ASIC2: variants seen among roughly 807,000 people sequenced by gnomAD.
The protein encoded by ASIC2 is acid sensing ion channel subunit 2, also known as acid-sensing ion channel 2.
A neutral mutation model predicts 57.3 loss-of-function variants in ASIC2; 25 were observed. The ratio of observed to expected loss-of-function variants is 0.44; its 90% CI spans 0.32 to 0.61. The LOEUF is 0.61. Among genes scored for constraint, ASIC2 ranks in the 20% least tolerant of loss-of-function variants. The pLI, the probability that ASIC2 is intolerant of heterozygous loss-of-function variation, is 0.06. For missense variants in ASIC2, 641 were observed against 738.1 expected (o/e 0.87, Z 1.52); for synonymous variants, 319 against 307.5 (o/e 1.04, Z -0.39).
At chr17:34,096,890 A>T in intron 1 of ASIC2, among the ~76,000 whole-genome samples, 1 of 143,902 alleles carries the variant, frequency 6.9e-6, no homozygotes, top group African/African-American at 2.5e-5. Context: ...AAAAAAGTAG[A>T]TAGGACTATG....
At chr17:33,018,314 G>A (rs981258333) in intron 7 of ASIC2, among the ~76,000 whole-genome samples, 1 of 152,210 alleles carries the variant, frequency 6.6e-6, no homozygotes, top group Admixed American at 6.5e-5. Context: ...TGGAAGAATT[G>A]TAATCAGTGT....
intron 1 of ASIC2, among the ~76,000 whole-genome samples, chr17:33,396,153 T>G (rs1016145700): frequency 5.3e-5 from 8 of 152,196 alleles, no homozygotes; most frequent in Non-Finnish European, 8.8e-5. Flanking sequence ...CATTCCCTCA[T>G]TTTACAAATA....
At chr17:33,850,016 G>T (rs1158411989) in intron 1 of ASIC2, among the ~76,000 whole-genome samples, 1 of 151,608 alleles carries the variant, frequency 6.6e-6, no homozygotes, top group Non-Finnish European at 1.5e-5. Context: ...TATGTTAAAG[G>T]TATGTTGTTT....
intron 1 of ASIC2, among the ~76,000 whole-genome samples, chr17:33,790,386 T>C (rs1911736117): frequency 6.6e-6 from 1 of 152,192 alleles, no homozygotes; most frequent in Non-Finnish European, 1.5e-5. Context: ...AATCTCAGAA[T>C]ATGCCACCCA....
chr17:33,335,303 G>C (rs895938006), intron 1 of ASIC2, among the ~76,000 whole-genome samples: 1 of 152,288 alleles, frequency 6.6e-6, no homozygotes, highest in African/African-American at 2.4e-5. Context: ...GAAAACAAAA[G>C]TATAGTAATA....
At chr17:33,743,580 G>T (rs1910172065) in intron 1 of ASIC2, among the ~76,000 whole-genome samples, 1 of 152,214 alleles carries the variant, frequency 6.6e-6, no homozygotes, top group Non-Finnish European at 1.5e-5. Context: ...CATAATACAG[G>T]TGAGCCTCCT....
At position 34,099,325 on chromosome 17, in the gene ASIC2, AGAAG is replaced by A. The variant is rs1265526154; in HGVS notation, c.555+56649_555+56652del. 2.7e-5 allele frequency among the ~76,000 whole-genome samples: 4 copies of A among 149,228 alleles called. No homozygotes were observed. The South Asian group carries it at 6.5e-4, about 24-fold the overall frequency. ...AAAGAGAAAGAAAGAAAGGAAAGAA[AGAAG>A]GGAGGGAAGAGAGGGAGGGAGGAAA... On this transcript the variant is annotated intron_variant, in intron 1 of 9. Transcript: ENST00000359872.
chr17:33,724,321 G>A (rs553594462), intron 1 of ASIC2, among the ~76,000 whole-genome samples: 3 of 152,264 alleles, frequency 2.0e-5, no homozygotes, highest in East Asian at 3.9e-4. Context: ...GACTAATAGA[G>A]TCAGGATTTT....
At chr17:34,049,854 T>C (rs1420171986) in intron 1 of ASIC2, among the ~76,000 whole-genome samples, 1 of 152,164 alleles carries the variant, frequency 6.6e-6, no homozygotes. Context: ...TACTCTCTCC[T>C]CTGTGTTCAT....
chr17:33,703,804 T>C (rs1397844326), intron 1 of ASIC2, among the ~76,000 whole-genome samples: 2 of 152,086 alleles, frequency 1.3e-5, no homozygotes, highest in African/African-American at 4.8e-5. Context: ...TGCCTCTAGG[T>C]GTACATGATT....
At chr17:33,491,838 G>A (rs1005857153) in intron 1 of ASIC2, among the ~76,000 whole-genome samples, 6 of 152,324 alleles carry the variant, frequency 3.9e-5, no homozygotes, top group Middle Eastern at 3.4e-3. Flanking sequence ...AAGGCAAGAG[G>A]GAGTCAGTAT....
intron 1 of ASIC2, among the ~76,000 whole-genome samples, chr17:33,223,127 C>G (rs1283423838): frequency 2.6e-5 from 4 of 152,130 alleles, no homozygotes; most frequent in Admixed American, 2.6e-4. Context: ...AGAACTGAAC[C>G]AAAACACAGA....
At chr17:33,484,554 C>T (rs1184415414) in intron 1 of ASIC2, among the ~76,000 whole-genome samples, 1 of 152,142 alleles carries the variant, frequency 6.6e-6, no homozygotes, top group Admixed American at 6.5e-5. Flanking sequence ...CAACCAGTTA[C>T]CAATAAAACA....
chr17:34,118,375 A>T (rs1911491560), intron 1 of ASIC2: 1 of 152,060 alleles, frequency 6.6e-6, no homozygotes, highest in South Asian at 2.1e-4. Flanking sequence ...ATTTTCTTTC[A>T]TGTGTATGTG....
intron 1 of ASIC2, among the ~76,000 whole-genome samples, chr17:33,151,119 G>A (rs1904773885): frequency 1.3e-5 from 2 of 151,758 alleles, no homozygotes; most frequent in Admixed American, 1.3e-4. Flanking sequence ...TTGAGGTCAG[G>A]AGTTTGAGAC....
chr17:33,691,234 G>T (rs1215711453), intron 1 of ASIC2, among the ~76,000 whole-genome samples: 1 of 152,146 alleles, frequency 6.6e-6, no homozygotes, highest in Non-Finnish European at 1.5e-5. Context: ...TCAGTGTGCT[G>T]AATACCTAGC....
At chr17:34,083,113 C>A (rs987268580) in intron 1 of ASIC2, among the ~76,000 whole-genome samples, 39 of 151,578 alleles carry the variant, frequency 2.6e-4, no homozygotes, top group Non-Finnish European at 5.2e-4. Context: ...TGCTGCTGCA[C>A]TGCACCCACT....
At chr17:33,502,669 C>T (rs1400911437) in intron 1 of ASIC2, among the ~76,000 whole-genome samples, 4 of 152,218 alleles carry the variant, frequency 2.6e-5, no homozygotes, top group Non-Finnish European at 5.9e-5. Context: ...GTTACAATCC[C>T]AACCATGCCA....
chr17:34,086,927 G>A (rs1910132786), intron 1 of ASIC2, among the ~76,000 whole-genome samples: 1 of 152,106 alleles, frequency 6.6e-6, no homozygotes, highest in African/African-American at 2.4e-5. Context: ...TTGAGCCTAT[G>A]TGTGTCTCTG....
Sources: allele counts gnomAD v4.1 joint callset (sites outside exome capture counted in the v4.1 genomes callset), GRCh38; gene constraint gnomAD v4.1.1; transcripts MANE v1.5; gene names NCBI Gene and HGNC (gene_info 2026-07-23, HGNC 2026-07-21).